The following RBM19 variants were observed in gnomAD, a reference collection of about 807,000 sequenced individuals.
RBM19 encodes RNA binding motif protein 19.
A neutral mutation model predicts 116.8 loss-of-function variants in RBM19; 94 were observed. The ratio of observed to expected loss-of-function variants is 0.80; its 90% confidence interval spans 0.68 to 0.95. RBM19 has a LOEUF of 0.95. Ranked by LOEUF, RBM19 falls within the 40% of genes least tolerant of loss-of-function variation. RBM19 has a pLI of 0.00. For missense variants in RBM19, 1,161 were observed against 1,220.7 expected (o/e 0.95, Z 0.73); for synonymous variants, 475 against 494.1 (o/e 0.96, Z 0.51).
intron 20 of RBM19, 34 bp downstream of exon 20, chr12:113,918,358 C>T (rs754031143): frequency 6.8e-6 from 11 of 1,612,674 alleles, no homozygotes; most frequent in African/African-American, 2.7e-5. Flanking sequence ...AGCCCCAGCT[C>T]GTAGGAAAGG....
intron 16 of RBM19, among the ~76,000 whole-genome samples, chr12:113,928,716 C>T (rs1334198798): frequency 6.6e-6 from 1 of 150,772 alleles, no homozygotes; most frequent in African/African-American, 2.4e-5. Flanking sequence ...CCTGCAGTGG[C>T]GCTAAGCATG....
intron 1 of RBM19, among the ~76,000 whole-genome samples, chr12:113,965,464 G>T (rs532897938): frequency 6.6e-6 from 1 of 152,112 alleles, no homozygotes; most frequent in Non-Finnish European, 1.5e-5. Context: ...CCCACAAAGC[G>T]AGGCATCAAG....
rs1047647842 is a variant in RBM19 at position 113,825,122 on chromosome 12, T to C, written c.2786-1801A>G. On this transcript the variant is annotated intron_variant, in intron 23 of 23. Coordinates refer to ENST00000261741, the MANE Select transcript of RBM19 (RefSeq NM_016196.4). The surrounding 1 kb of genome is among the most constrained non-coding windows in gnomAD (Gnocchi z 5.7). The stretch of plus-strand genomic sequence containing the variant: ...TCACTCACTGCTGTGTCCCTGGCCT[T>C]AGCACACTGCCTGGTGCCTAGCAAG... 1.3e-5 allele frequency among the ~76,000 whole-genome samples: 2 copies of C among 152,224 alleles called. No individual in the cohort carries two copies. The highest frequency in any genetic ancestry group is 2.9e-5 in the Non-Finnish European group (2 of 68,036).
intron 16 of RBM19, among the ~76,000 whole-genome samples, chr12:113,934,331 T>C (rs1869868999): frequency 6.6e-6 from 1 of 152,210 alleles, no homozygotes. Flanking sequence ...GTTTTACAGA[T>C]ATGGAAACTG....
At chr12:113,921,030 G>T (rs1868512338) in intron 18 of RBM19, among the ~76,000 whole-genome samples, 1 of 152,144 alleles carries the variant, frequency 6.6e-6, no homozygotes, top group Non-Finnish European at 1.5e-5. Flanking sequence ...CCTCTACCTG[G>T]GCAGTCCTCT....
chr12:113,857,767 G>A (rs763369896), intron 22 of RBM19, among the ~76,000 whole-genome samples: 1 of 152,224 alleles, frequency 6.6e-6, no homozygotes, highest in Non-Finnish European at 1.5e-5. Context: ...GCCCACAAAG[G>A]CCACAGCTGT....
intron 21 of RBM19, among the ~76,000 whole-genome samples, chr12:113,862,088 A>G (rs1481004254): frequency 6.6e-6 from 1 of 152,254 alleles, no homozygotes; most frequent in African/African-American, 2.4e-5. Context: ...GTTAGATCTT[A>G]GAAGGAACTT....
intron 23 of RBM19, among the ~76,000 whole-genome samples, chr12:113,837,724 C>T (rs1876095694): frequency 6.6e-6 from 1 of 152,246 alleles, no homozygotes. Flanking sequence ...TGAATCCTGG[C>T]TCTGTGGTCA....
intron 21 of RBM19, among the ~76,000 whole-genome samples, chr12:113,867,794 C>T (rs997021783): frequency 8.6e-5 from 13 of 152,010 alleles, no homozygotes; most frequent in African/African-American, 1.4e-4. Flanking sequence ...GGCATGGTGG[C>T]GTACACCTGT....
chr12:113,925,881 A>G (rs1869025796), intron 17 of RBM19, among the ~76,000 whole-genome samples: 1 of 152,236 alleles, frequency 6.6e-6, no homozygotes, highest in South Asian at 2.1e-4. Flanking sequence ...ATTCAAATCT[A>G]TCTGACATAT....
rs1038893937 is a variant in RBM19, at chr12:113,960,055, A to G, written c.339+4T>C. ...GACAGAGGCTAGAGTGACCCTTTAC[A>G]TACTTTCTTAATTTCTGGAGTAGTA... On this transcript the variant is annotated splice_donor_region_variant and intron_variant, in intron 3 of 23. Coordinates refer to ENST00000261741, the MANE Select transcript of RBM19 (RefSeq NM_016196.4). 3 of 1,614,174 alleles carry G rather than the reference A, an allele frequency of 1.9e-6. No individual in the cohort carries two copies. Among genetic ancestry groups the G allele is most frequent in the African/African-American group, 1.3e-5 (1 of 75,036 alleles).
chr12:113,888,883 AATATAG>A (rs1363756357), intron 21 of RBM19, among the ~76,000 whole-genome samples: 1 of 152,224 alleles, frequency 6.6e-6, no homozygotes, highest in East Asian at 1.9e-4. Flanking sequence ...AGAAAAATAA[AATATAG>A]ATAGAAATAA....
At chr12:113,887,092 A>G (rs1294872135) in intron 21 of RBM19, among the ~76,000 whole-genome samples, 3 of 152,252 alleles carry the variant, frequency 2.0e-5, no homozygotes, top group Non-Finnish European at 4.4e-5. Flanking sequence ...CAAGAAAATC[A>G]TATGAAATTC....
chr12:113,893,081 G>C (rs559208245), intron 21 of RBM19, among the ~76,000 whole-genome samples: 41 of 151,378 alleles, frequency 2.7e-4, no homozygotes, highest in African/African-American at 1.0e-3. Context: ...ACACAGGCTG[G>C]AGTGCAGTGG....
chr12:113,956,997 C>A (rs532643631), intron 6 of RBM19, among the ~76,000 whole-genome samples: 1 of 152,306 alleles, frequency 6.6e-6, no homozygotes, highest in East Asian at 1.9e-4. Context: ...CACCCCTCTG[C>A]CTGTGTTGTT....
At position 113,901,615 on chromosome 12, in the gene RBM19, TC is replaced by T. The variant is rs547628895; in HGVS notation, c.2558+13353del. ...CCTCCACCTCCTGGGTTCAAGTGAT[TC>T]TCCCACCTTAGCCTCCCGAGTAGCT... On this transcript the variant is annotated intron_variant, in intron 21 of 23. Transcript: ENST00000261741. Among the ~76,000 whole-genome samples the T allele has an allele frequency of 1.6e-4, 24 of 152,210 alleles. No individual in the cohort carries two copies. The South Asian group carries it at 4.4e-3, about 28-fold the overall frequency.
At chr12:113,931,820 GT>G (rs1358660707) in intron 16 of RBM19, among the ~76,000 whole-genome samples, 2 of 152,188 alleles carry the variant, frequency 1.3e-5, no homozygotes, top group East Asian at 3.9e-4. Context: ...AGTTAAAGCA[GT>G]CTCCAGCCTG....
intron 22 of RBM19, among the ~76,000 whole-genome samples, chr12:113,853,381 T>C (rs749838486): frequency 2.7e-4 from 41 of 152,312 alleles, no homozygotes; most frequent in Non-Finnish European, 5.6e-4. Flanking sequence ...GCTAATTGGA[T>C]AGCATTCCAT....
chr12:113,891,621 A>AGGG (rs1257868921), intron 21 of RBM19, among the ~76,000 whole-genome samples: 1 of 152,168 alleles, frequency 6.6e-6, no homozygotes, highest in Admixed American at 6.5e-5. Context: ...AGCGCACACC[A>AGGG]CATCCATCCA....
Sources: allele counts gnomAD v4.1 joint callset (sites outside exome capture counted in the v4.1 genomes callset), GRCh38; gene constraint gnomAD v4.1.1; non-coding constraint Gnocchi (gnomAD v3.1); transcripts MANE v1.5; gene names NCBI Gene and HGNC (gene_info 2026-07-23, HGNC 2026-07-21).